CNBD1: variants seen among roughly 807,000 people sequenced by gnomAD.
CNBD1 encodes cyclic nucleotide binding domain containing 1, also known as cyclic nucleotide-binding domain-containing protein 1.
A neutral mutation model predicts 54.4 loss-of-function variants in CNBD1; 71 were observed. That is an observed-to-expected ratio of 1.30 (90% CI 1.08 to 1.59). CNBD1 has a LOEUF of 1.59. CNBD1 is among the 40% of genes most tolerant of loss of function. The pLI, the probability that CNBD1 is intolerant of heterozygous loss-of-function variation, is 0.00. For synonymous variants in CNBD1, 182 were observed against 170.7 expected (o/e 1.07, Z -0.51); for missense variants, 659 against 518.0 (o/e 1.27, Z -2.64).
chr8:87,241,005 G>C (rs1388622091), intron 6 of CNBD1, among the ~76,000 whole-genome samples: 2 of 152,084 alleles, frequency 1.3e-5, no homozygotes, highest in African/African-American at 2.4e-5. Context: ...AAAGTTTCAA[G>C]TTTACTCCAC....
At chr8:86,970,341 T>C (rs1808191267) in intron 4 of CNBD1, among the ~76,000 whole-genome samples, 1 of 152,222 alleles carries the variant, frequency 6.6e-6, no homozygotes, top group South Asian at 2.1e-4. Flanking sequence ...TCTGTTCTTA[T>C]GATTTTGTCT....
At chr8:87,274,897 A>G (rs1214665337) in intron 6 of CNBD1, among the ~76,000 whole-genome samples, 6 of 134,282 alleles carry the variant, frequency 4.5e-5, no homozygotes, top group Admixed American at 3.6e-4. Flanking sequence ...TAGGGTTTTT[A>G]TGGTTTTAGG....
chr8:87,422,798 C>T (rs1197512666), intron 2 of CNBD1, among the ~76,000 whole-genome samples: 2 of 152,196 alleles, frequency 1.3e-5, no homozygotes, highest in African/African-American at 2.4e-5. Context: ...TAGTTTTTCC[C>T]AATTCTGTGA....
At chr8:87,205,302 G>T (rs2035570233) in intron 4 of CNBD1, among the ~76,000 whole-genome samples, 1 of 152,158 alleles carries the variant, frequency 6.6e-6, no homozygotes, top group Non-Finnish European at 1.5e-5. Flanking sequence ...AAAGTGCTAG[G>T]ATTACAGGCG....
intron 4 of CNBD1, among the ~76,000 whole-genome samples, chr8:86,940,824 C>G (rs1175816442): frequency 6.6e-6 from 1 of 152,088 alleles, no homozygotes; most frequent in Non-Finnish European, 1.5e-5. Context: ...CATTTATGTT[C>G]TGAAGAATGA....
At position 86,866,563 on chromosome 8, in the gene CNBD1, C is replaced by T. The variant is rs755787023; in HGVS notation, c.68C>T (p.Pro23Leu). 3.7e-6 allele frequency: 6 copies of T among 1,609,958 alleles called. No individual in the cohort carries two copies. Among genetic ancestry groups the T allele is most frequent in the African/African-American group, 2.7e-5 (2 of 74,882 alleles). Residue 23 changes from proline to leucine, a missense_variant, in exon 1 of 11, where the codon CCT becomes CTT. Pro to Leu is a moderately conservative substitution (Grantham distance 98). Transcript: ENST00000518476. ...ACAGCTATTAACAATGTGCCTCCTC[C>T]TCCACTTCACAGTATACCAAGTGAG... is the stretch of plus-strand genomic sequence containing the variant. The part of the protein sequence containing the change: ...HMTAINNVPP[P>L]PLHSIPNLKK...
chr8:87,127,528 C>T (rs528261115), intron 4 of CNBD1, among the ~76,000 whole-genome samples: 1 of 152,096 alleles, frequency 6.6e-6, no homozygotes, highest in African/African-American at 2.4e-5. Context: ...ACCAAAATCA[C>T]ATATTAATTC....
intron 2 of CNBD1, among the ~76,000 whole-genome samples, chr8:86,900,429 AG>A (rs751993681): frequency 9.2e-5 from 14 of 152,202 alleles, no homozygotes; most frequent in Non-Finnish European, 1.6e-4. Context: ...GTATTGCTAC[AG>A]GAAGATTTGA....
At chr8:87,361,051 G>T (rs552684772) in intron 10 of CNBD1, among the ~76,000 whole-genome samples, 1 of 151,714 alleles carries the variant, frequency 6.6e-6, no homozygotes, top group African/African-American at 2.4e-5. Context: ...TAATAAAAAG[G>T]ATTTAAGCTC....
intron 6 of CNBD1, among the ~76,000 whole-genome samples, chr8:87,272,684 T>C (rs1808392418): frequency 6.6e-6 from 1 of 151,952 alleles, no homozygotes; most frequent in South Asian, 2.1e-4. Flanking sequence ...ATATAACAAA[T>C]GAATGATGGT....
intron 3 of CNBD1, among the ~76,000 whole-genome samples, chr8:86,925,082 GGATTTCAATATTGACT>G (rs1809335882): frequency 6.6e-6 from 1 of 152,146 alleles, no homozygotes; most frequent in Non-Finnish European, 1.5e-5. Context: ...AGAGATGACA[GGATTTCAATATTGACT>G]GTCAAGAGTT....
intron 4 of CNBD1, chr8:87,044,383 T>C (rs1223974900): frequency 6.6e-6 from 1 of 152,298 alleles, no homozygotes; most frequent in Non-Finnish European, 1.5e-5. Flanking sequence ...TTTAGGGTCA[T>C]TGGTCATGTT....
At chr8:87,148,031 T>A (rs972554815) in intron 4 of CNBD1, among the ~76,000 whole-genome samples, 1 of 152,168 alleles carries the variant, frequency 6.6e-6, no homozygotes, top group African/African-American at 2.4e-5. Flanking sequence ...TAGAGTTTTT[T>A]AAAAAGTGTA....
At position 87,382,623 on chromosome 8, in the gene CNBD1, C is replaced by T. The variant is rs747200946; in HGVS notation, c.1307C>T (p.Ala436Val). ...AIIEDKDLFVA is the reference protein window; with the variant it reads ...AIIEDKDLFVV ...TTTGTTTGTTTGCCTTTTGCAGTGG[C>T]CTAGATCTAGAAACAACCTCAGTGA... The change falls in exon 11 of 11, where the codon GCC (alanine) becomes GTC (valine). Residue 436 changes from alanine to valine, a missense_variant. Physicochemically the swap from Ala to Val is moderately conservative, Grantham distance 64. Transcript: ENST00000518476. 54 of 1,535,866 alleles carry T rather than the reference C, an allele frequency of 3.5e-5. No homozygotes were observed. In the South Asian group the frequency reaches 6.0e-4, roughly 17 times the overall value.
intron 4 of CNBD1, among the ~76,000 whole-genome samples, chr8:87,048,262 A>AG (rs148854729): frequency 0.04 from 6,114 of 152,240 alleles, 178 homozygotes; most frequent in African/African-American, 0.083. Context: ...GAAGTGGGCA[A>AG]GGAGGTTATA....
At chr8:87,347,372 G>A (rs965688475) in intron 8 of CNBD1, among the ~76,000 whole-genome samples, 3 of 152,144 alleles carry the variant, frequency 2.0e-5, no homozygotes, top group Non-Finnish European at 4.4e-5. Context: ...TATTTGTTGA[G>A]TGCCTATATG....
At chr8:87,270,003 C>T (rs1375380298) in intron 6 of CNBD1, among the ~76,000 whole-genome samples, 1 of 151,840 alleles carries the variant, frequency 6.6e-6, no homozygotes, top group Non-Finnish European at 1.5e-5. Flanking sequence ...ATACAAAGAT[C>T]CTCAACAAAA....
At chr8:87,062,535 C>T (rs908445340) in intron 4 of CNBD1, among the ~76,000 whole-genome samples, 4 of 152,016 alleles carry the variant, frequency 2.6e-5, no homozygotes, top group Non-Finnish European at 4.4e-5. Context: ...GTCAGGAGTT[C>T]GAGACCAGCC....
At chr8:86,964,461 T>C (rs917082882) in intron 4 of CNBD1, among the ~76,000 whole-genome samples, 7 of 152,222 alleles carry the variant, frequency 4.6e-5, no homozygotes, top group Non-Finnish European at 8.8e-5. Context: ...TCAGCAGTGG[T>C]CAGGGTTTGA....
Sources: gnomAD v4.1 joint callset for allele counts (sites outside exome capture counted in the v4.1 genomes callset) on GRCh38, gnomAD v4.1.1 for gene constraint, MANE v1.5 for transcripts, NCBI Gene and HGNC (gene_info 2026-07-23, HGNC 2026-07-21) for gene names.